The following PASK variants were observed in gnomAD, a reference collection of about 807,000 sequenced individuals.
PASK encodes PAS domain containing serine/threonine kinase.
In PASK, 110 loss-of-function variants were observed where a neutral mutation model predicts 121.0. The ratio of observed to expected loss-of-function variants is 0.91; its 90% confidence interval spans 0.78 to 1.06. The LOEUF is 1.06. PASK is among the 50% of genes least tolerant of loss of function. The pLI, the probability that PASK is intolerant of heterozygous loss-of-function variation, is 0.00. For missense variants in PASK, 1,643 were observed against 1,702.3 expected (o/e 0.97, Z 0.61); for synonymous variants, 686 against 717.8 (o/e 0.96, Z 0.71).
chr2:241,140,781 A>G, intron 2 of PASK, 28 bp from the exon 3 acceptor site: 2 of 1,477,076 alleles, frequency 1.4e-6, no homozygotes, highest in Non-Finnish European at 1.9e-6. Flanking sequence ...GCGAAGCTTT[A>G]GACTTCACAC....
chr2:241,131,211 C>T (rs993330707), intron 9 of PASK, among the ~76,000 whole-genome samples: 1 of 151,052 alleles, frequency 6.6e-6, no homozygotes, highest in Non-Finnish European at 1.5e-5. Context: ...TGCAGTGGCG[C>T]GATCTAGGCT....
At chr2:241,120,061 T>C (rs2065540413) in intron 12 of PASK, among the ~76,000 whole-genome samples, 1 of 152,060 alleles carries the variant, frequency 6.6e-6, no homozygotes, top group African/African-American at 2.4e-5. Flanking sequence ...GTGCTTCAAA[T>C]GAAACATCAA....
At position 241,108,169 on chromosome 2, in the gene PASK, T is replaced by C; in HGVS notation, c.3665A>G (p.Lys1222Arg). The change falls in exon 16 of 18, where the codon AAA becomes AGA. Residue 1222 changes from lysine (K) to arginine (R), a missense_variant and splice_region_variant. Around this residue, in one of 3 missense-constraint regions of PASK, gnomAD observed 453 missense variants for 511.2 expected, o/e 0.89. Transcript: ENST00000234040. This position sits in a 1 kb window ranked among gnomAD's most constrained non-coding sequence, Gnocchi z 5.2. ...AAIHPPYLVS[K>R]ELMSLVSGLL... ...TACCACTTGCAGCTCACGCTCACCTTTGGACACCAGGTATGGCGGGTGTAT... is the reference window on the plus strand; with the variant it reads ...TACCACTTGCAGCTCACGCTCACCTCTGGACACCAGGTATGGCGGGTGTAT... The C allele has an allele frequency of 1.2e-6, 2 of 1,614,110 alleles. No individual in the cohort carries two copies. Among genetic ancestry groups the C allele is most frequent in the Non-Finnish European group, 1.7e-6 (2 of 1,179,998 alleles).
In PASK at chr2:241,142,869, G is replaced by A; in HGVS notation, c.164C>T (p.Ser55Phe). The change falls in exon 2 of 18, where the codon TCC (serine) becomes TTC (phenylalanine). Residue 55 changes from serine (S) to phenylalanine (F), a missense_variant. This residue lies in a region of PASK where 1,176 missense variants were observed against 1,162.2 expected (regional missense o/e 1.01). Coordinates refer to ENST00000234040, the MANE Select transcript of PASK (RefSeq NM_015148.4). ...HRHLSRRNGLSRLCQSRTALS... is the reference protein window; with the variant it reads ...HRHLSRRNGLFRLCQSRTALS... ...CGCTGTCCTGCTCTGGCAGAGTCTG[G>A]AAAGCCCATTCCTTCTGCTCAGGTG... is the stretch of plus-strand genomic sequence containing the variant. 3 of 1,613,908 alleles carry A rather than the reference G, an allele frequency of 1.9e-6. No individual in the cohort carries two copies. Among genetic ancestry groups the A allele is most frequent in the South Asian group, 2.2e-5 (2 of 91,076 alleles).
rs376350120 is a variant in PASK at position 241,118,428 on chromosome 2, A to G, written c.3073-3015T>C. 1.2e-4 allele frequency among the ~76,000 whole-genome samples: 19 copies of G among 152,312 alleles called. No homozygotes were observed. The South Asian group carries it at 3.9e-3, about 32-fold the overall frequency. ...ATTTTTGACAAGGGTGCCAAAAACC[A>G]CTCAATGGGGAGAGGACAGTCTTCA... On this transcript the variant is annotated intron_variant, in intron 12 of 17. Coordinates refer to ENST00000234040, the MANE Select transcript of PASK (RefSeq NM_015148.4).
Position 241,106,217 on chromosome 2 carries a change from G to A in PASK, c.*349C>T, listed in dbSNP as rs970459010. 1 of 317,524 alleles carries A rather than the reference G, an allele frequency of 3.1e-6. No individual in the cohort carries two copies. Among genetic ancestry groups the A allele is most frequent in the African/African-American group, 2.2e-5 (1 of 46,258 alleles). The allele number at this position is 317,524 out of a possible 1,614,324, so 19.7% of individuals were successfully genotyped here. ...AATTTCACATATCCGTCACTCAGAT[G>A]AGCATATACCAAGTCAGAGGAAACA... On this transcript the variant is annotated 3_prime_UTR_variant, in exon 18 of 18. Coordinates refer to ENST00000234040, the MANE Select transcript of PASK (RefSeq NM_015148.4).
rs760425223 is a variant in PASK, at chr2:241,122,745, T to C, written c.3059A>G (p.Glu1020Gly). 3.7e-6 allele frequency: 6 copies of C among 1,614,002 alleles called. No homozygotes were observed. The highest frequency in any genetic ancestry group is 1.7e-5 in the Admixed American group (1 of 60,000). ...CAGCCAGGTTACCTCCTTGTTTTTT[T>C]CCTTGTCCACAGCAGTCCACACGAA... ...FGFVWTAVDKEKNKEVVVKFI... is the reference protein window; with the variant it reads ...FGFVWTAVDKGKNKEVVVKFI... The change falls in exon 12 of 18, where the codon GAA becomes GGA. Residue 1020 changes from glutamate (E) to glycine (G), a missense_variant. Physicochemically the swap from Glu to Gly is moderately conservative, Grantham distance 98. Coordinates refer to ENST00000234040, the MANE Select transcript of PASK (RefSeq NM_015148.4).
chr2:241,114,712 ACG>A lies in PASK; in HGVS notation c.3333+329_3333+330del, dbSNP rs1474271012. The A allele has an allele frequency of 6.0e-5, 80 of 1,331,768 alleles. 1 individual carries two copies. The East Asian group carries it at 2.3e-3, about 39-fold the overall frequency. The allele number at this position is 1,331,768 out of a possible 1,614,324, so 82.5% of individuals were successfully genotyped here. On this transcript the variant is annotated intron_variant, in intron 14 of 17. Coordinates refer to ENST00000234040, the MANE Select transcript of PASK (RefSeq NM_015148.4). Reference sequence around the variant, plus strand: ...GCTGTGCCGCACACATGCCTTTGAGACGCTCTCTGGCTGCATCCTAACCCTTA... The same window carrying A: ...GCTGTGCCGCACACATGCCTTTGAGACTCTCTGGCTGCATCCTAACCCTTA...
chr2:241,123,636 T>A (rs2065723781), intron 11 of PASK, among the ~76,000 whole-genome samples: 1 of 151,780 alleles, frequency 6.6e-6, no homozygotes, highest in Admixed American at 6.6e-5. Context: ...CTTGCCAACA[T>A]GGAGAAACCC....
At chr2:241,122,993 C>A in intron 11 of PASK, 94 bp from the exon 12 acceptor site, 2 of 1,271,486 alleles carry the variant, frequency 1.6e-6, no homozygotes, top group South Asian at 1.4e-5. Context: ...TCAGCAGCCG[C>A]CCGAGGCAGG....
intron 1 of PASK, among the ~76,000 whole-genome samples, 163 bp from the exon 2 acceptor site, chr2:241,143,237 T>C (rs1028486641): frequency 2.6e-5 from 4 of 152,086 alleles, no homozygotes; most frequent in Non-Finnish European, 4.4e-5. Flanking sequence ...CCACCCAAAG[T>C]GGTGCTAAAA....
At chr2:241,111,718 A>G (rs1164538938) in intron 15 of PASK, among the ~76,000 whole-genome samples, 1 of 152,068 alleles carries the variant, frequency 6.6e-6, no homozygotes, top group Non-Finnish European at 1.5e-5. Context: ...TTCTCCCCAC[A>G]GCAGAGCAGA....
rs78851467 is a variant in PASK, at chr2:241,113,850, T to C, written c.3333+1193A>G. ...GAGCAGGTCCTGATGAATCTGGAGCTGACAGGCAATGCCCTGAGAACCAGC... is the reference window on the plus strand; with the variant it reads ...GAGCAGGTCCTGATGAATCTGGAGCCGACAGGCAATGCCCTGAGAACCAGC... On this transcript the variant is annotated intron_variant, in intron 14 of 17. Transcript: ENST00000234040. The C allele has an allele frequency of 2.4e-5, 24 of 985,462 alleles. No individual in the cohort carries two copies. In the East Asian group the frequency reaches 2.5e-3, roughly 102 times the overall value. 61.0% of individuals were successfully genotyped at this position (985,462 alleles called of 1,614,324 possible).
intron 9 of PASK, among the ~76,000 whole-genome samples, chr2:241,132,230 AAG>A (rs1265094361): frequency 2.0e-5 from 3 of 152,030 alleles, no homozygotes; most frequent in African/African-American, 7.2e-5. Flanking sequence ...AAAATGTGCA[AAG>A]AGAACAGCTT....
intron 4 of PASK, among the ~76,000 whole-genome samples, chr2:241,139,335 G>A (rs1038049167): frequency 6.6e-6 from 1 of 152,142 alleles, no homozygotes. Context: ...GCTGACGAGG[G>A]GAAACCCTAC....
intron 1 of PASK, among the ~76,000 whole-genome samples, chr2:241,144,256 A>G (rs1281819146): frequency 1.3e-5 from 2 of 152,242 alleles, no homozygotes; most frequent in Non-Finnish European, 2.9e-5. Context: ...TCCATCCTGC[A>G]TATTGGCAAG....
chr2:241,114,144 C>G, intron 14 of PASK: 1 of 985,228 alleles, frequency 1.0e-6, no homozygotes, highest in Non-Finnish European at 1.2e-6. Context: ...GTGTTGGCCA[C>G]AAACTAAAGG....
chr2:241,135,750 C>G (rs1014501246), intron 8 of PASK, 121 bp downstream of exon 8: 1 of 911,664 alleles, frequency 1.1e-6, no homozygotes, highest in Non-Finnish European at 1.8e-6. Flanking sequence ...CTCCGCCCCC[C>G]ACCACCCCTG....
At chr2:241,147,247 T>C (rs2066997275) in intron 1 of PASK, among the ~76,000 whole-genome samples, 1 of 152,204 alleles carries the variant, frequency 6.6e-6, no homozygotes, top group South Asian at 2.1e-4. Flanking sequence ...TTGTAAAACC[T>C]TACTTTCTTA....
Sources: allele counts gnomAD v4.1 joint callset (sites outside exome capture counted in the v4.1 genomes callset), GRCh38; gene constraint gnomAD v4.1.1; regional missense constraint gnomAD v4.1.1; non-coding constraint Gnocchi (gnomAD v3.1); transcripts MANE v1.5; gene names NCBI Gene and HGNC (gene_info 2026-07-23, HGNC 2026-07-21).